The following CDH13 variants were observed in gnomAD, a reference collection of about 807,000 sequenced individuals.
The protein encoded by CDH13 is cadherin-13.
Under a neutral mutation model 63.8 loss-of-function variants are expected in CDH13, and 24 were observed. That is an observed-to-expected ratio of 0.38 (90% CI 0.27 to 0.53). The LOEUF (loss-of-function observed/expected upper bound fraction) is 0.53. Among genes scored for constraint, CDH13 ranks in the 20% least tolerant of loss-of-function variants. CDH13 has a pLI of 0.85. For missense variants in CDH13, 1,049 were observed against 903.1 expected (o/e 1.16, Z -2.07); for synonymous variants, 503 against 355.3 (o/e 1.42, Z -4.67).
chr16:83,605,403 C>T (rs1567800093), intron 8 of CDH13, among the ~76,000 whole-genome samples: 1 of 152,158 alleles, frequency 6.6e-6, no homozygotes, highest in Non-Finnish European at 1.5e-5. Context: ...TGGATAGTAA[C>T]ACTGCTGGGG....
intron 1 of CDH13, among the ~76,000 whole-genome samples, chr16:82,675,650 C>T (rs1013913750): frequency 3.9e-5 from 6 of 152,206 alleles, no homozygotes; most frequent in Admixed American, 2.0e-4. Flanking sequence ...GGCCACCAAA[C>T]CTGCTGGACT....
At chr16:82,844,064 G>C (rs755397778) in intron 1 of CDH13, among the ~76,000 whole-genome samples, 5 of 152,184 alleles carry the variant, frequency 3.3e-5, no homozygotes, top group Non-Finnish European at 7.3e-5. Context: ...CCCGTAATAA[G>C]TCTACATCCT....
At chr16:82,943,303 A>G (rs1350040778) in intron 2 of CDH13, among the ~76,000 whole-genome samples, 1 of 152,164 alleles carries the variant, frequency 6.6e-6, no homozygotes, top group Non-Finnish European at 1.5e-5. Context: ...CATGAGCCAC[A>G]TATGATAGTA....
At chr16:83,596,989 G>T (rs1175986860) in intron 7 of CDH13, among the ~76,000 whole-genome samples, 2 of 152,184 alleles carry the variant, frequency 1.3e-5, no homozygotes, top group South Asian at 2.1e-4. Flanking sequence ...TGGGGAGCCT[G>T]TGGTGGGAGG....
intron 8 of CDH13, among the ~76,000 whole-genome samples, chr16:83,609,970 A>G (rs1387276774): frequency 2.0e-5 from 3 of 152,220 alleles, no homozygotes; most frequent in Non-Finnish European, 4.4e-5. Flanking sequence ...GAATCATACA[A>G]TACGTGGTCC....
At chr16:82,760,049 G>A (rs1028806031) in intron 1 of CDH13, among the ~76,000 whole-genome samples, 3 of 152,108 alleles carry the variant, frequency 2.0e-5, no homozygotes, top group Non-Finnish European at 2.9e-5. Flanking sequence ...GCAAAGATCT[G>A]GAGCATTCTA....
chr16:82,993,865 C>T (rs1041762705), intron 2 of CDH13, among the ~76,000 whole-genome samples: 4 of 152,166 alleles, frequency 2.6e-5, no homozygotes, highest in African/African-American at 9.7e-5. Flanking sequence ...CAGTGGTCAC[C>T]TGGTGCTTCG....
chr16:83,454,389 T>C (rs1248615843), intron 6 of CDH13, among the ~76,000 whole-genome samples: 1 of 152,216 alleles, frequency 6.6e-6, no homozygotes, highest in Non-Finnish European at 1.5e-5. Context: ...AAAATACCTT[T>C]TCAATATTGA....
At chr16:83,218,978 G>T (rs1159760938) in intron 5 of CDH13, among the ~76,000 whole-genome samples, 1 of 152,132 alleles carries the variant, frequency 6.6e-6, no homozygotes, top group Non-Finnish European at 1.5e-5. Flanking sequence ...TGCCATGATT[G>T]TGAGGCCTCC....
chr16:82,884,853 C>T (rs1476227253), intron 2 of CDH13, among the ~76,000 whole-genome samples: 2 of 152,154 alleles, frequency 1.3e-5, no homozygotes, highest in Non-Finnish European at 1.5e-5. Context: ...CAACTTATAA[C>T]GTAAAGACAA....
intron 1 of CDH13, among the ~76,000 whole-genome samples, chr16:82,627,646 G>A (rs1243008380): frequency 6.6e-6 from 1 of 152,066 alleles, no homozygotes; most frequent in African/African-American, 2.4e-5. Context: ...GGGCGCCCGG[G>A]CCCCCTGGTA....
rs76657414 is a variant in CDH13 at position 82,715,218 on chromosome 16, T to C, written c.45+88081T>C. Among the ~76,000 whole-genome samples the C allele has an allele frequency of 7.4e-3, 1,125 of 151,766 alleles. 18 individuals carry two copies. Among genetic ancestry groups the C allele is most frequent in the African/African-American group, 0.026 (1,080 of 41,396 alleles). On this transcript the variant is annotated intron_variant, in intron 1 of 13. Transcript: ENST00000567109. ...ATGGCCTTTCTAAATGTCCTGAGTATCAGGAGAAGCTTTTTCACACTGCAA... is the reference window on the plus strand; with the variant it reads ...ATGGCCTTTCTAAATGTCCTGAGTACCAGGAGAAGCTTTTTCACACTGCAA...
chr16:82,866,584 T>C (rs557015234), intron 2 of CDH13, among the ~76,000 whole-genome samples: 1 of 151,948 alleles, frequency 6.6e-6, no homozygotes, highest in African/African-American at 2.4e-5. Flanking sequence ...CAAAGAGGGT[T>C]TAACCATGCT....
At chr16:82,716,420 C>A (rs2032376051) in intron 1 of CDH13, among the ~76,000 whole-genome samples, 1 of 151,746 alleles carries the variant, frequency 6.6e-6, no homozygotes, top group Admixed American at 6.6e-5. Flanking sequence ...TCCCAATTGC[C>A]TTTGTAACAC....
chr16:83,291,593 G>C (rs2089467858), intron 5 of CDH13, among the ~76,000 whole-genome samples: 1 of 151,900 alleles, frequency 6.6e-6, no homozygotes, highest in Non-Finnish European at 1.5e-5. Context: ...TAGAATTTTA[G>C]TAGATTTATT....
At chr16:83,556,090 A>G (rs1275583971) in intron 7 of CDH13, among the ~76,000 whole-genome samples, 2 of 152,216 alleles carry the variant, frequency 1.3e-5, no homozygotes, top group Admixed American at 6.5e-5. Context: ...AATGAGATAA[A>G]TCGTGTAGGC....
intron 6 of CDH13, among the ~76,000 whole-genome samples, chr16:83,472,329 C>G (rs2073476904): frequency 6.6e-6 from 1 of 152,146 alleles, no homozygotes; most frequent in Non-Finnish European, 1.5e-5. Context: ...TTAGACGGTG[C>G]CCTGTGGTTG....
intron 7 of CDH13, among the ~76,000 whole-genome samples, chr16:83,516,059 G>C (rs58321654): frequency 6.6e-6 from 1 of 152,028 alleles, no homozygotes; most frequent in Non-Finnish European, 1.5e-5. Context: ...TCAAAAATTC[G>C]CTTTTCCAAG....
intron 6 of CDH13, among the ~76,000 whole-genome samples, chr16:83,366,627 C>G (rs1014986610): frequency 1.3e-5 from 2 of 152,170 alleles, no homozygotes; most frequent in South Asian, 2.1e-4. Flanking sequence ...CTTGTACAAG[C>G]TTTTCGATAT....
Sources: allele counts gnomAD v4.1 joint callset (sites outside exome capture counted in the v4.1 genomes callset), GRCh38; gene constraint gnomAD v4.1.1; transcripts MANE v1.5; gene names NCBI Gene and HGNC (gene_info 2026-07-23, HGNC 2026-07-21).